ADGRB3: variants seen among roughly 807,000 people sequenced by gnomAD.
ADGRB3 encodes brain-specific angiogenesis inhibitor 3.
Under a neutral mutation model 193.4 loss-of-function variants are expected in ADGRB3, and 37 were observed. The ratio of observed to expected loss-of-function variants is 0.19; its 90% CI spans 0.15 to 0.25. The LOEUF is 0.25. Among genes scored for constraint, ADGRB3 ranks in the 10% least tolerant of loss-of-function variants. The pLI is 1.00. For synonymous variants in ADGRB3, 690 were observed against 644.2 expected (o/e 1.07, Z -1.08); for missense variants, 1,637 against 1,852.9 (o/e 0.88, Z 2.14).
intron 3 of ADGRB3, among the ~76,000 whole-genome samples, chr6:68,709,454 A>G (rs1765375290): frequency 6.6e-6 from 1 of 152,224 alleles, no homozygotes; most frequent in Non-Finnish European, 1.5e-5. Context: ...AAATAATTTT[A>G]CATAACAATA....
At chr6:68,889,229 A>C (rs559166437) in intron 3 of ADGRB3, among the ~76,000 whole-genome samples, 61 of 152,332 alleles carry the variant, frequency 4.0e-4, no homozygotes, top group African/African-American at 1.5e-3. Flanking sequence ...TACGTCTCCA[A>C]ATATTGAAAT....
chr6:69,049,276 G>C lies in ADGRB3; in HGVS notation c.2263G>C (p.Asp755His). 1 of 1,599,402 alleles carries C rather than the reference G, an allele frequency of 6.3e-7. No homozygotes were observed. The highest frequency in any genetic ancestry group is 2.3e-5 in the East Asian group (1 of 44,396). ...IFTPVSSKELDESSVFVLGAV... is the reference protein window; with the variant it reads ...IFTPVSSKELHESSVFVLGAV... Reference sequence around the variant, plus strand: ...TCAAAATTTATTCTTTCTAGAATTAGATGAATCATCTGTATTTGTTCTTGG... The same window carrying C: ...TCAAAATTTATTCTTTCTAGAATTACATGAATCATCTGTATTTGTTCTTGG... The change falls in exon 15 of 32, where the codon GAT (aspartate) becomes CAT (histidine). Residue 755 changes from aspartate (D) to histidine (H), a missense_variant. Asp to His is a moderately conservative substitution (Grantham distance 81). Coordinates refer to ENST00000370598, the MANE Select transcript of ADGRB3 (RefSeq NM_001704.3).
At chr6:68,748,777 C>T (rs1445132438) in intron 3 of ADGRB3, among the ~76,000 whole-genome samples, 3 of 152,194 alleles carry the variant, frequency 2.0e-5, no homozygotes, top group East Asian at 3.9e-4. Context: ...ATTTCCCTTC[C>T]ACAATGCCCT....
intron 3 of ADGRB3, among the ~76,000 whole-genome samples, chr6:68,864,757 G>A (rs957619394): frequency 1.3e-5 from 2 of 152,150 alleles, no homozygotes; most frequent in Non-Finnish European, 2.9e-5. Context: ...CTCCTGGGTT[G>A]AGCTAAAATC....
chr6:68,655,459 T>G (rs1379662245), intron 3 of ADGRB3, among the ~76,000 whole-genome samples: 1 of 151,738 alleles, frequency 6.6e-6, no homozygotes, highest in Non-Finnish European at 1.5e-5. Context: ...TGGGTAATCC[T>G]GGAACTCTTC....
At chr6:69,364,775 T>G (rs560687189) in intron 29 of ADGRB3, among the ~76,000 whole-genome samples, 1 of 152,200 alleles carries the variant, frequency 6.6e-6, no homozygotes, top group Non-Finnish European at 1.5e-5. Context: ...TGTCAGCACT[T>G]TAGTCATTTA....
intron 10 of ADGRB3, among the ~76,000 whole-genome samples, chr6:68,978,391 A>G (rs1193553602): frequency 1.3e-5 from 2 of 151,460 alleles, no homozygotes; most frequent in East Asian, 3.8e-4. Context: ...GATGTTGCAT[A>G]TATTTTGGCA....
intron 11 of ADGRB3, among the ~76,000 whole-genome samples, chr6:69,004,461 C>T (rs915991131): frequency 1.3e-5 from 2 of 151,574 alleles, no homozygotes; most frequent in African/African-American, 2.4e-5. Flanking sequence ...ATGTGCACAA[C>T]GTGCAGGTTT....
intron 10 of ADGRB3, 83 bp downstream of exon 10, chr6:68,975,423 C>A: frequency 9.9e-7 from 1 of 1,009,020 alleles, no homozygotes; most frequent in Non-Finnish European, 1.5e-6. Context: ...TTCTGCTGTA[C>A]AATCAAATCA....
chr6:68,789,930 T>C (rs999127233), intron 3 of ADGRB3, among the ~76,000 whole-genome samples: 8 of 152,338 alleles, frequency 5.3e-5, no homozygotes, highest in Non-Finnish European at 8.8e-5. Context: ...TACCCTTTCT[T>C]CCAGTTGATC....
intron 3 of ADGRB3, among the ~76,000 whole-genome samples, chr6:68,871,800 A>T (rs988010979): frequency 6.6e-6 from 1 of 152,180 alleles, no homozygotes; most frequent in African/African-American, 2.4e-5. Context: ...AATGACATTA[A>T]TGAGGGTAAT....
At chr6:69,083,121 A>AAT (rs1772435796) in intron 17 of ADGRB3, among the ~76,000 whole-genome samples, 4 of 152,308 alleles carry the variant, frequency 2.6e-5, no homozygotes, top group Admixed American at 2.6e-4. Context: ...TTATTGCTGG[A>AAT]AATTGGAAAT....
chr6:69,004,109 C>A (rs1769669883), intron 11 of ADGRB3, among the ~76,000 whole-genome samples: 1 of 152,106 alleles, frequency 6.6e-6, no homozygotes, highest in South Asian at 2.1e-4. Flanking sequence ...GTTGTGATTC[C>A]ATTTATTATC....
At chr6:68,993,677 G>A in intron 10 of ADGRB3, 91 bp from the exon 11 acceptor site, 1 of 1,327,178 alleles carries the variant, frequency 7.5e-7, no homozygotes, top group Non-Finnish European at 1.0e-6. Flanking sequence ...TAAGTTAATT[G>A]AGCAATTTTA....
chr6:69,208,736 A>G (rs1002797246), intron 17 of ADGRB3, among the ~76,000 whole-genome samples: 2 of 152,198 alleles, frequency 1.3e-5, no homozygotes, highest in Non-Finnish European at 2.9e-5. Context: ...GACCATGGCC[A>G]TTTGAGAAAC....
At chr6:69,062,848 G>C in intron 15 of ADGRB3, 86 bp from the exon 16 acceptor site, 2 of 948,170 alleles carry the variant, frequency 2.1e-6, no homozygotes, top group Non-Finnish European at 3.2e-6. Flanking sequence ...GCATTTATTT[G>C]AAACCATCCC....
chr6:68,956,627 A>G lies in ADGRB3; in HGVS notation c.1361-18A>G. ...GTGTGGTAGATGACTGACATTGACC[A>G]TGAAACATTTCTTTCAGCCAATGGT... On this transcript the variant is annotated intron_variant, in intron 7 of 31. Transcript: ENST00000370598. The G allele has an allele frequency of 2.5e-6, 4 of 1,613,666 alleles. No homozygotes were observed. The East Asian group carries it at 8.9e-5, about 36-fold the overall frequency.
chr6:69,057,809 T>C (rs1213219981), intron 15 of ADGRB3, among the ~76,000 whole-genome samples: 1 of 152,084 alleles, frequency 6.6e-6, no homozygotes, highest in Non-Finnish European at 1.5e-5. Flanking sequence ...ATAAACTTTT[T>C]AACATGCTGC....
At chr6:68,908,524 T>C (rs1766611967) in intron 3 of ADGRB3, among the ~76,000 whole-genome samples, 1 of 152,122 alleles carries the variant, frequency 6.6e-6, no homozygotes, top group Non-Finnish European at 1.5e-5. Flanking sequence ...CTGTAGGTCT[T>C]ATTTGCTTTG....
Sources: allele counts gnomAD v4.1 joint callset (sites outside exome capture counted in the v4.1 genomes callset), GRCh38; gene constraint gnomAD v4.1.1; transcripts MANE v1.5; gene names NCBI Gene and HGNC (gene_info 2026-07-23, HGNC 2026-07-21).